RPA1: variants seen among roughly 807,000 people sequenced by gnomAD.
RPA1 encodes the protein replication protein A 70 kDa DNA-binding subunit.
In RPA1, 49 loss-of-function variants were observed where a neutral mutation model predicts 83.0. The ratio of observed to expected loss-of-function variants is 0.59; its 90% CI spans 0.47 to 0.75. The LOEUF (loss-of-function observed/expected upper bound fraction) is 0.75, where lower values mean the gene tolerates loss of function less well. Among genes scored for constraint, RPA1 ranks in the 30% least tolerant of loss-of-function variants. The probability of loss-of-function intolerance (pLI) is 0.00; values close to 1 mark genes in which losing one functional copy is unlikely to be tolerated. For synonymous variants in RPA1, 279 were observed against 281.8 expected (o/e 0.99, Z 0.10); for missense variants, 693 against 776.1 (o/e 0.89, Z 1.27).
At position 1,839,569 on chromosome 17, in the gene RPA1, A is replaced by G. The variant is rs565370910; in HGVS notation, c.34-3234A>G. Among the ~76,000 whole-genome samples the G allele has an allele frequency of 1.0e-3, 151 of 149,822 alleles. 1 individual carries two copies. The highest frequency in any genetic ancestry group is 2.7e-3 in the African/African-American group (112 of 40,768). ...TTGATCTCCCAACCTCATGTGATCC[A>G]CCTGCCTTGGGCTCCCAAAATGCTG... On this transcript the variant is annotated intron_variant, in intron 1 of 16. Coordinates refer to ENST00000254719, the MANE Select transcript of RPA1 (RefSeq NM_002945.5).
chr17:1,879,745 G>A (rs764587202), intron 11 of RPA1, 46 bp downstream of exon 11: 66 of 1,611,600 alleles, frequency 4.1e-5, no homozygotes, highest in East Asian at 6.7e-5. Flanking sequence ...ACCTCCTGGG[G>A]TTGGGGCGTG....
Position 1,830,144 on chromosome 17 carries a change from G to T in RPA1, c.33+18G>T. 1 of 1,243,068 alleles carries T rather than the reference G, an allele frequency of 8.0e-7. No homozygotes were observed. 77.0% of individuals were successfully genotyped at this position (1,243,068 alleles called of 1,614,324 possible). ...CCATTGCGGTGAGGAGGTGCCGGGG[G>T]CTGGGCCGGCGGTCCGGGGTGGCTG... On this transcript the variant is annotated intron_variant, in intron 1 of 16. Transcript: ENST00000254719.
At chr17:1,883,028 G>T (rs937239499) in intron 12 of RPA1, among the ~76,000 whole-genome samples, 1 of 152,074 alleles carries the variant, frequency 6.6e-6, no homozygotes, top group Admixed American at 6.5e-5. Context: ...CGTTTCTTCA[G>T]TAGACTTTGG....
intron 11 of RPA1, 75 bp downstream of exon 11, chr17:1,879,774 G>C (rs757437539): frequency 3.0e-5 from 47 of 1,578,284 alleles, no homozygotes; most frequent in Non-Finnish European, 3.7e-5. Flanking sequence ...CTATAGGATG[G>C]GGCCTTCAGC....
At position 1,897,264 on chromosome 17, in the gene RPA1, TAC is replaced by T; in HGVS notation, c.*93_*94del. 1 of 994,204 alleles carries T rather than the reference TAC, an allele frequency of 1.0e-6. No individual in the cohort carries two copies. The highest frequency in any genetic ancestry group is 1.5e-6 in the Non-Finnish European group (1 of 663,176). The allele number at this position is 994,204 out of a possible 1,614,324, so 61.6% of individuals were successfully genotyped here. On this transcript the variant is annotated 3_prime_UTR_variant, in exon 17 of 17. Coordinates refer to ENST00000254719, the MANE Select transcript of RPA1 (RefSeq NM_002945.5). The stretch of plus-strand genomic sequence containing the variant: ...CTCCGTGTGACGATCCCATGTTAGC[TAC>T]ACAGTGCAGAGGCTCTTGATGGTGG...
chr17:1,879,194 G>C (rs1913679283), intron 9 of RPA1, 21 bp from the exon 10 acceptor site: 2 of 1,611,454 alleles, frequency 1.2e-6, no homozygotes, highest in African/African-American at 2.7e-5. Flanking sequence ...CTCAGGTTCT[G>C]TGGCTTGGCC....
chr17:1,854,890 A>G (rs1912631855), intron 5 of RPA1, among the ~76,000 whole-genome samples: 1 of 152,236 alleles, frequency 6.6e-6, no homozygotes, highest in South Asian at 2.1e-4. Context: ...ACAAATGGCT[A>G]ATACATTAGA....
chr17:1,861,809 C>T (rs1041601184), intron 5 of RPA1, among the ~76,000 whole-genome samples: 1 of 152,052 alleles, frequency 6.6e-6, no homozygotes, highest in African/African-American at 2.4e-5. Flanking sequence ...CTGCAACCTC[C>T]GCCTCCTGGA....
intron 5 of RPA1, 53 bp from the exon 6 acceptor site, chr17:1,872,381 T>G: frequency 6.3e-7 from 1 of 1,591,652 alleles, no homozygotes; most frequent in Non-Finnish European, 8.6e-7. Flanking sequence ...CAAGTTTAAA[T>G]CTCTTAACCC....
At position 1,883,855 on chromosome 17, in the gene RPA1, G is replaced by C; in HGVS notation, c.1285G>C (p.Asp429His). The change falls in exon 13 of 17, where the codon GAT becomes CAT. Residue 429 changes from aspartate to histidine, a missense_variant. Physicochemically the swap from Asp to His is moderately conservative, Grantham distance 81. Transcript: ENST00000254719. ...AGCCTTAGATGGTGTTTCCATCTCT[G>C]ATCTAAAGAGCGGCGGAGTCGGAGG... ...GQALDGVSIS[D>H]LKSGGVGGSN... 1 of 1,614,180 alleles carries C rather than the reference G, an allele frequency of 6.2e-7. No individual in the cohort carries two copies. The highest frequency in any genetic ancestry group is 1.3e-5 in the African/African-American group (1 of 75,040).
In RPA1 at chr17:1,898,499, C is replaced by G. The variant is rs766875697; in HGVS notation, c.*1324C>G. On this transcript the variant is annotated 3_prime_UTR_variant, in exon 17 of 17. Coordinates refer to ENST00000254719, the MANE Select transcript of RPA1 (RefSeq NM_002945.5). ...ACACCGCCTGCCATTGGCCGCACAT[C>G]TCGCCGTCGTACCCCGGCAGTGCGG... 2.6e-5 allele frequency: 4 copies of G among 152,288 alleles called. No individual in the cohort carries two copies. The highest frequency in any genetic ancestry group is 4.4e-5 in the Non-Finnish European group (3 of 68,058). 9.4% of individuals were successfully genotyped at this position (152,288 alleles called of 1,614,324 possible). A position where few individuals can be genotyped will look rare whatever the true frequency, so the allele number is the denominator to read the frequency against.
intron 5 of RPA1, among the ~76,000 whole-genome samples, chr17:1,855,363 G>GTGTGTGTT (rs752248502): frequency 1.2e-3 from 148 of 120,156 alleles, no homozygotes; most frequent in African/African-American, 3.9e-3. Context: ...GTGTGTGTGT[G>GTGTGTGTT]TGTTTAGTAG....
At chr17:1,845,162 T>TG (rs1912208362) in intron 4 of RPA1, among the ~76,000 whole-genome samples, 147 of 141,714 alleles carry the variant, frequency 1.0e-3, no homozygotes, top group African/African-American at 3.6e-3. Flanking sequence ...TAATGCTGCT[T>TG]TGTGTGTGTG....
intron 1 of RPA1, among the ~76,000 whole-genome samples, chr17:1,836,173 G>A (rs908289965): frequency 6.6e-6 from 1 of 151,760 alleles, no homozygotes. Flanking sequence ...GTGCAGTGGC[G>A]TGATCTCAGC....
chr17:1,831,814 T>A (rs549778452), intron 1 of RPA1, among the ~76,000 whole-genome samples: 5 of 151,490 alleles, frequency 3.3e-5, no homozygotes, highest in African/African-American at 9.7e-5. Flanking sequence ...TTAGCCAGGA[T>A]GGTCTCGATC....
intron 6 of RPA1, among the ~76,000 whole-genome samples, chr17:1,874,012 A>AAAAAAAAAAAT (rs1555592994): frequency 1.1e-5 from 1 of 93,862 alleles, no homozygotes; most frequent in African/African-American, 5.1e-5. Flanking sequence ...AAAAAAAAAA[A>AAAAAAAAAAAT]ATATATATAT....
chr17:1,893,219 C>T (rs913050439), intron 15 of RPA1, among the ~76,000 whole-genome samples: 7 of 152,144 alleles, frequency 4.6e-5, no homozygotes, highest in South Asian at 2.1e-4. Flanking sequence ...CTTCAATTTT[C>T]GTATCAGATT....
intron 5 of RPA1, among the ~76,000 whole-genome samples, chr17:1,855,753 A>ATGTAGACT (rs1329816602): frequency 6.6e-6 from 1 of 151,520 alleles, no homozygotes; most frequent in African/African-American, 2.4e-5. Flanking sequence ...GCAGCAGTTT[A>ATGTAGACT]TGTAGACTTG....
chr17:1,860,277 C>G (rs1334702897), intron 5 of RPA1, among the ~76,000 whole-genome samples: 3 of 151,790 alleles, frequency 2.0e-5, no homozygotes, highest in African/African-American at 7.3e-5. Flanking sequence ...ACTGCCTGGA[C>G]TGGGGCTGGG....
Sources: gnomAD v4.1 joint callset for allele counts (sites outside exome capture counted in the v4.1 genomes callset) on GRCh38, gnomAD v4.1.1 for gene constraint, MANE v1.5 for transcripts, NCBI Gene and HGNC (gene_info 2026-07-23, HGNC 2026-07-21) for gene names.